Variants in ABCA13 observed in about 807,000 individuals in gnomAD.
ABCA13 encodes the protein ATP-binding cassette sub-family A member 13.
Under a neutral mutation model 478.7 loss-of-function variants are expected in ABCA13, and 476 were observed. The ratio of observed to expected loss-of-function variants is 0.99; its 90% CI spans 0.92 to 1.07. The LOEUF is 1.07. Ranked by LOEUF, ABCA13 falls within the 50% of genes least tolerant of loss-of-function variation. The pLI is 0.00. For synonymous variants in ABCA13, 2,252 were observed against 2,158.9 expected, an observed-to-expected ratio of 1.04 and a Z score of -1.20; for missense variants, 6,060 against 5,910.6, an observed-to-expected ratio of 1.03 and a Z score of -0.83.
intron 41 of ABCA13, among the ~76,000 whole-genome samples, chr7:48,414,269 C>G (rs369013608): frequency 1.5e-4 from 23 of 152,238 alleles, no homozygotes; most frequent in Admixed American, 3.9e-4. Context: ...GTGTTCTCCC[C>G]ACCCGCCCTC....
intron 15 of ABCA13, among the ~76,000 whole-genome samples, chr7:48,256,783 T>G (rs769215298): frequency 5.3e-5 from 8 of 152,246 alleles, no homozygotes; most frequent in Non-Finnish European, 1.2e-4. Context: ...TGCTTACGAT[T>G]GCCTTGGCTA....
At chr7:48,249,177 A>G (rs780167119) in intron 14 of ABCA13, 35 bp from the exon 15 acceptor site, 37 of 1,570,160 alleles carry the variant, frequency 2.4e-5, no homozygotes, top group Non-Finnish European at 2.9e-5. Context: ...ATCATTTTTA[A>G]ATTTTAATTT....
At chr7:48,338,070 T>C (rs1318714512) in intron 28 of ABCA13, among the ~76,000 whole-genome samples, 1 of 152,182 alleles carries the variant, frequency 6.6e-6, no homozygotes, top group Non-Finnish European at 1.5e-5. Flanking sequence ...ATTATATAGG[T>C]TCGTTTGAAA....
At chr7:48,229,437 A>G (rs997761644) in intron 6 of ABCA13, among the ~76,000 whole-genome samples, 2 of 152,142 alleles carry the variant, frequency 1.3e-5, no homozygotes, top group African/African-American at 4.8e-5. Context: ...AGCCAGGCTG[A>G]CTGTTCATTT....
intron 58 of ABCA13, among the ~76,000 whole-genome samples, chr7:48,607,264 G>A (rs946682040): frequency 6.6e-6 from 1 of 152,138 alleles, no homozygotes; most frequent in African/African-American, 2.4e-5. Flanking sequence ...CTACCAGTAC[G>A]GTCTCTCACA....
rs1269881931 is a variant in ABCA13 at position 48,279,279 on chromosome 7, C to T, written c.8085C>T (p.Tyr2695=). ...NNITNQMDFL[Y]PNPISTHSGP... is the part of the protein sequence containing the mutation. ...TCACCAACCAAATGGACTTCTTATA[C>T]CCTAATCCAATTTCCACTCATAGTG... is the stretch of plus-strand genomic sequence containing the variant. Residue 2695 remains tyrosine (Y), a synonymous_variant, in exon 18 of 62, where the codon TAC becomes TAT. Coordinates refer to ENST00000435803, the MANE Select transcript of ABCA13 (RefSeq NM_152701.5). 1 of 1,588,376 alleles carries T rather than the reference C, an allele frequency of 6.3e-7. No individual in the cohort carries two copies. Among genetic ancestry groups the T allele is most frequent in the South Asian group, 1.1e-5 (1 of 87,820 alleles).
chr7:48,520,784 T>C (rs776815667), intron 53 of ABCA13, among the ~76,000 whole-genome samples: 228 of 152,332 alleles, frequency 1.5e-3, no homozygotes, highest in Non-Finnish European at 5.0e-4. Context: ...TTCCAACCTA[T>C]GAGTGAGAAC....
At chr7:48,200,370 C>CA (rs1036900945) in intron 3 of ABCA13, among the ~76,000 whole-genome samples, 23 of 151,842 alleles carry the variant, frequency 1.5e-4, no homozygotes, top group Middle Eastern at 3.4e-3. Context: ...CATTCTCAAA[C>CA]AAAAAAAACC....
At chr7:48,401,887 C>T (rs144726506) in intron 38 of ABCA13, among the ~76,000 whole-genome samples, 2 of 152,212 alleles carry the variant, frequency 1.3e-5, no homozygotes, top group East Asian at 1.9e-4. Flanking sequence ...TGAACCAGAT[C>T]GGTCAGTTTA....
intron 43 of ABCA13, among the ~76,000 whole-genome samples, chr7:48,455,666 G>A (rs981844101): frequency 1.3e-5 from 2 of 152,226 alleles, no homozygotes; most frequent in Non-Finnish European, 2.9e-5. Flanking sequence ...TTAGATATAT[G>A]TGGTATTTTC....
chr7:48,234,055 G>C lies in ABCA13; in HGVS notation c.801G>C (p.Trp267Cys), dbSNP rs1356254409. Residue 267 changes from tryptophan (W) to cysteine (C), a missense_variant, in exon 8 of 62, where the codon TGG becomes TGC. Transcript: ENST00000435803. ...ACCTGTCCATGCAGAATATAGTGTG[G>C]GATCCACAGAAAGTCCAGTATGATC... ...VYHLSMQNIV[W>C]DPQKVQYDLK... 1 of 1,613,872 alleles carries C rather than the reference G, an allele frequency of 6.2e-7. No homozygotes were observed. Among genetic ancestry groups the C allele is most frequent in the South Asian group, 1.1e-5 (1 of 91,082 alleles).
chr7:48,504,348 G>A (rs941873831), intron 48 of ABCA13, among the ~76,000 whole-genome samples: 51 of 152,222 alleles, frequency 3.4e-4, no homozygotes, highest in African/African-American at 1.1e-3. Context: ...ATGAGTGTGC[G>A]GAGAGGTGAG....
chr7:48,261,020 G>A (rs1794103683), intron 15 of ABCA13, among the ~76,000 whole-genome samples: 1 of 151,532 alleles, frequency 6.6e-6, no homozygotes, highest in African/African-American at 2.4e-5. Context: ...TCTCAAATTT[G>A]ATTGGTAATT....
At chr7:48,316,791 G>A (rs1437828785) in intron 26 of ABCA13, among the ~76,000 whole-genome samples, 3 of 152,302 alleles carry the variant, frequency 2.0e-5, no homozygotes, top group South Asian at 4.1e-4. Flanking sequence ...AAGCAAGAGG[G>A]GGGAGGAGGG....
intron 56 of ABCA13, among the ~76,000 whole-genome samples, chr7:48,583,136 T>C (rs1039764577): frequency 6.6e-6 from 1 of 152,206 alleles, no homozygotes; most frequent in Non-Finnish European, 1.5e-5. Context: ...CTCATCATCT[T>C]AGTTTTGTTA....
At chr7:48,398,218 A>T (rs1168577275) in intron 38 of ABCA13, among the ~76,000 whole-genome samples, 1 of 152,210 alleles carries the variant, frequency 6.6e-6, no homozygotes, top group Non-Finnish European at 1.5e-5. Context: ...GTAATTTTTT[A>T]AAATGCATCT....
intron 57 of ABCA13, among the ~76,000 whole-genome samples, chr7:48,588,366 C>G (rs949883563): frequency 6.6e-6 from 1 of 152,214 alleles, no homozygotes; most frequent in African/African-American, 2.4e-5. Context: ...GCATTCATTA[C>G]TTTCTGTGGA....
At chr7:48,491,200 A>G (rs1039910161) in intron 48 of ABCA13, among the ~76,000 whole-genome samples, 3 of 152,212 alleles carry the variant, frequency 2.0e-5, no homozygotes, top group Non-Finnish European at 4.4e-5. Context: ...AAATGTGCGT[A>G]GGATTCAGAA....
chr7:48,427,080 A>T (rs998417727), intron 41 of ABCA13, among the ~76,000 whole-genome samples: 6 of 151,988 alleles, frequency 3.9e-5, no homozygotes, highest in Non-Finnish European at 8.8e-5. Flanking sequence ...TCACTCCATA[A>T]ATCCCTGCCA....
Sources: allele counts gnomAD v4.1 joint callset (sites outside exome capture counted in the v4.1 genomes callset), GRCh38; gene constraint gnomAD v4.1.1; transcripts MANE v1.5; gene names NCBI Gene and HGNC (gene_info 2026-07-23, HGNC 2026-07-21).